EYS: variants seen among roughly 807,000 people sequenced by gnomAD.
EYS encodes the protein protein eyes shut homolog.
Under a neutral mutation model 282.1 loss-of-function variants are expected in EYS, and 250 were observed. The observed-to-expected ratio is 0.89, with a 90% CI of 0.80 to 0.98. The LOEUF is 0.98. EYS is among the 50% of genes least tolerant of loss of function. The pLI, the probability that EYS is intolerant of heterozygous loss-of-function variation, is 0.00. For synonymous variants in EYS, 1,355 were observed against 1,282.9 expected, an observed-to-expected ratio of 1.06 and a Z score of -1.20; for missense variants, 4,016 against 3,709.0, an observed-to-expected ratio of 1.08 and a Z score of -2.15.
intron 26 of EYS, among the ~76,000 whole-genome samples, chr6:64,537,138 C>T (rs1406594799): frequency 3.4e-5 from 5 of 145,904 alleles, no homozygotes; most frequent in African/African-American, 1.3e-4. Flanking sequence ...GGTATAACTC[C>T]CAATGCTATC....
chr6:65,379,132 C>T (rs1214258093), intron 8 of EYS, among the ~76,000 whole-genome samples: 5 of 152,166 alleles, frequency 3.3e-5, no homozygotes, highest in Admixed American at 3.3e-4. Flanking sequence ...CAGCATCATC[C>T]TGATTCCAAA....
chr6:65,219,139 G>T (rs1038834623), intron 12 of EYS, among the ~76,000 whole-genome samples: 3 of 152,058 alleles, frequency 2.0e-5, no homozygotes, highest in Admixed American at 6.6e-5. Flanking sequence ...CTTCAAGTAG[G>T]TTTATATGGC....
At chr6:65,212,984 G>A (rs1259687530) in intron 12 of EYS, among the ~76,000 whole-genome samples, 2 of 151,866 alleles carry the variant, frequency 1.3e-5, no homozygotes, top group Admixed American at 1.3e-4. Flanking sequence ...AAAATCGATC[G>A]ATGTTCGTTA....
chr6:64,267,988 TA>T (rs1268973646), intron 30 of EYS, among the ~76,000 whole-genome samples: 1 of 152,118 alleles, frequency 6.6e-6, no homozygotes, highest in East Asian at 1.9e-4. Context: ...ATTTTGTGTT[TA>T]AAAGCATATA....
chr6:64,630,727 A>C (rs541136907), intron 22 of EYS, among the ~76,000 whole-genome samples: 1 of 152,136 alleles, frequency 6.6e-6, no homozygotes, highest in Non-Finnish European at 1.5e-5. Context: ...TAAACTTTTA[A>C]TGTTAAACTT....
At chr6:63,806,438 C>G (rs1039566510) in intron 36 of EYS, 66 bp from the exon 37 acceptor site, 1 of 1,366,188 alleles carries the variant, frequency 7.3e-7, no homozygotes, top group East Asian at 2.6e-5. Flanking sequence ...GTGAGGGTTA[C>G]GTTTTGCTGA....
chr6:65,698,177 T>A (rs1769526497), intron 1 of EYS, among the ~76,000 whole-genome samples: 1 of 152,122 alleles, frequency 6.6e-6, no homozygotes, highest in Admixed American at 6.5e-5. Context: ...AAAGAATAGT[T>A]GCCTTCCTAA....
chr6:65,244,544 G>C (rs1409426687), intron 12 of EYS, among the ~76,000 whole-genome samples: 1 of 151,682 alleles, frequency 6.6e-6, no homozygotes, highest in Non-Finnish European at 1.5e-5. Flanking sequence ...ACCAAGTCTC[G>C]CTCTGTCGCC....
chr6:65,611,979 T>G (rs1379108706), intron 2 of EYS, among the ~76,000 whole-genome samples: 1 of 152,068 alleles, frequency 6.6e-6, no homozygotes, highest in East Asian at 1.9e-4. Context: ...TCTAGTAATA[T>G]AGAAAACATT....
chr6:64,938,669 G>A (rs1768990399), intron 15 of EYS, among the ~76,000 whole-genome samples: 1 of 151,502 alleles, frequency 6.6e-6, no homozygotes, highest in African/African-American at 2.4e-5. Flanking sequence ...TTATAAAATA[G>A]GAATTGTGTT....
At chr6:64,525,609 G>GC (rs1777892461) in intron 26 of EYS, among the ~76,000 whole-genome samples, 1 of 151,496 alleles carries the variant, frequency 6.6e-6, no homozygotes, top group Non-Finnish European at 1.5e-5. Context: ...AATCTGCATA[G>GC]CAATCCCCTG....
chr6:64,909,276 G>T (rs554890673), intron 16 of EYS, among the ~76,000 whole-genome samples: 1 of 152,174 alleles, frequency 6.6e-6, no homozygotes, highest in South Asian at 2.1e-4. Flanking sequence ...ATGTATTTGT[G>T]TATGGAGTAC....
intron 4 of EYS, chr6:65,491,498 C>A: frequency 2.9e-6 from 1 of 348,354 alleles, no homozygotes; most frequent in Non-Finnish European, 5.7e-6. Context: ...GCAGTTTTTG[C>A]CATTATCATT....
intron 29 of EYS, among the ~76,000 whole-genome samples, chr6:64,340,780 C>T (rs1439077923): frequency 6.6e-6 from 1 of 151,450 alleles, no homozygotes; most frequent in Non-Finnish European, 1.5e-5. Context: ...AAGTAAATAG[C>T]CTACAGAATG....
chr6:65,127,766 G>A (rs1379078600), intron 12 of EYS, among the ~76,000 whole-genome samples: 1 of 151,842 alleles, frequency 6.6e-6, no homozygotes, highest in African/African-American at 2.4e-5. Context: ...ATTTTCTTAG[G>A]CATATCATCT....
At chr6:65,584,086 A>T (rs1764958348) in intron 2 of EYS, among the ~76,000 whole-genome samples, 1 of 152,040 alleles carries the variant, frequency 6.6e-6, no homozygotes, top group Non-Finnish European at 1.5e-5. Flanking sequence ...GAAAAACACA[A>T]CTGAAAAAGA....
In EYS at chr6:65,495,024, T is replaced by A; in HGVS notation, c.387A>T (p.Arg129Ser). Reference sequence around the variant, plus strand: ...AATTAACAGTGTGCATTCCTTTTAGTCTGCAGCCAAAAAGTAACTGATCTT... The same window carrying A: ...AATTAACAGTGTGCATTCCTTTTAGACTGCAGCCAAAAAGTAACTGATCTT... ...TTEDQLLFGC[R>S]LKGMHTVNSK... The change falls in exon 4 of 43, where the codon AGA becomes AGT. Residue 129 changes from arginine (R) to serine (S), a missense_variant. Arg to Ser is a moderately radical substitution (Grantham distance 110, BLOSUM62 -1). Coordinates refer to ENST00000503581, the MANE Select transcript of EYS (RefSeq NM_001142800.2). 1.9e-6 allele frequency: 3 copies of A among 1,614,228 alleles called. No homozygotes were observed. Among genetic ancestry groups the A allele is most frequent in the Non-Finnish European group, 2.5e-6 (3 of 1,180,042 alleles).
intron 2 of EYS, among the ~76,000 whole-genome samples, chr6:65,538,566 T>C (rs12175029): frequency 0.17 from 26,524 of 152,062 alleles, 2,915 homozygotes; most frequent in Middle Eastern, 0.32. Flanking sequence ...ATATTGAGTA[T>C]CTCCCAAAAA....
chr6:65,507,322 T>C (rs1437514272), intron 2 of EYS, among the ~76,000 whole-genome samples: 1 of 152,180 alleles, frequency 6.6e-6, no homozygotes, highest in East Asian at 1.9e-4. Context: ...AAAGTGTTTT[T>C]TTAATCCCTC....
Sources: gnomAD v4.1 joint callset for allele counts (sites outside exome capture counted in the v4.1 genomes callset) on GRCh38, gnomAD v4.1.1 for gene constraint, MANE v1.5 for transcripts, NCBI Gene and HGNC (gene_info 2026-07-23, HGNC 2026-07-21) for gene names.